GOLGA3: variants seen among roughly 807,000 people sequenced by gnomAD.
GOLGA3 encodes the protein golgin subfamily A member 3.
A neutral mutation model predicts 169.4 loss-of-function variants in GOLGA3; 75 were observed. The ratio of observed to expected loss-of-function variants is 0.44; its 90% CI spans 0.37 to 0.54. The LOEUF is 0.54. GOLGA3 is among the 20% of genes least tolerant of loss of function. GOLGA3 has a pLI of 0.00. For synonymous variants in GOLGA3, 824 were observed against 822.4 expected, an observed-to-expected ratio of 1.00 and a Z score of -0.03; for missense variants, 1,899 against 1,930.0, an observed-to-expected ratio of 0.98 and a Z score of 0.30.
At chr12:132,785,662 C>T (rs2045859655) in intron 15 of GOLGA3, among the ~76,000 whole-genome samples, 1 of 152,114 alleles carries the variant, frequency 6.6e-6, no homozygotes, top group African/African-American at 2.4e-5. Flanking sequence ...CTCTTCCTAC[C>T]CATAAATTCT....
At chr12:132,773,472 G>A (rs1055525582) in intron 23 of GOLGA3, among the ~76,000 whole-genome samples, 178 bp from the exon 24 acceptor site, 1 of 152,256 alleles carries the variant, frequency 6.6e-6, no homozygotes, top group South Asian at 2.1e-4. Flanking sequence ...ACACTGTGCA[G>A]AGGACACAGG....
At chr12:132,801,725 C>T (rs1055216987) in intron 8 of GOLGA3, 42 bp downstream of exon 8, 1 of 1,552,826 alleles carries the variant, frequency 6.4e-7, no homozygotes, top group Non-Finnish European at 8.9e-7. Flanking sequence ...TACATGAAGA[C>T]AAGAAGCGTG....
At chr12:132,792,443 C>G (rs150084739) in intron 11 of GOLGA3, among the ~76,000 whole-genome samples, 4,359 of 152,354 alleles carry the variant, frequency 0.029, 81 homozygotes, top group Non-Finnish European at 0.046. Flanking sequence ...TTGGGCTGCG[C>G]CCACAGGCTG....
At chr12:132,807,704 G>A (rs1003129608) in intron 5 of GOLGA3, among the ~76,000 whole-genome samples, 187 bp downstream of exon 5, 2 of 152,126 alleles carry the variant, frequency 1.3e-5, no homozygotes, top group Non-Finnish European at 2.9e-5. Context: ...GCGGAGAGCC[G>A]TGGGCCCGGG....
chr12:132,820,759 G>A (rs180806436), intron 2 of GOLGA3, among the ~76,000 whole-genome samples: 43 of 152,188 alleles, frequency 2.8e-4, no homozygotes, highest in Admixed American at 2.8e-3. Flanking sequence ...TCTACGGGAC[G>A]ACTTCTGAAT....
intron 6 of GOLGA3, among the ~76,000 whole-genome samples, chr12:132,805,834 T>C (rs569004652): frequency 6.6e-6 from 1 of 152,308 alleles, no homozygotes; most frequent in South Asian, 2.1e-4. Context: ...CGGGTGCACA[T>C]GTATGCGCAC....
intron 15 of GOLGA3, 80 bp downstream of exon 15, chr12:132,786,259 G>A (rs1390345055): frequency 1.0e-6 from 1 of 995,502 alleles, no homozygotes; most frequent in East Asian, 2.5e-5. Flanking sequence ...CTAGGCTTTA[G>A]GGGACAACTG....
Position 132,775,342 on chromosome 12 carries a change from G to C in GOLGA3, c.3979-37C>G, listed in dbSNP as rs778016799. The C allele has an allele frequency of 3.2e-6, 5 of 1,556,836 alleles. No individual in the cohort carries two copies. In the Middle Eastern group the frequency reaches 5.1e-4, roughly 159 times the overall value. On this transcript the variant is annotated intron_variant, in intron 21 of 23. Transcript: ENST00000450791. ...GAAGTCAGATTTTTAAAAGCTAACA[G>C]ATCTTAAACATCCTGCCAAGATCCG...
In GOLGA3 at chr12:132,816,677, C is replaced by T. The variant is rs748321413; in HGVS notation, c.269G>A (p.Gly90Asp). 1 of 1,614,170 alleles carries T rather than the reference C, an allele frequency of 6.2e-7. No individual in the cohort carries two copies. The highest frequency in any genetic ancestry group is 1.3e-5 in the African/African-American group (1 of 75,046). The part of the protein sequence containing the change: ...SSLDPTTSPV[G>D]PDASPGVAGF... ...AGCCACACCTGGAGAGGCATCAGGGCCCACTGGGCTTGTGGTGGGATCGAG... is the reference window on the plus strand; with the variant it reads ...AGCCACACCTGGAGAGGCATCAGGGTCCACTGGGCTTGTGGTGGGATCGAG... The change falls in exon 3 of 24, where the codon GGC (glycine) becomes GAC (aspartate). Residue 90 changes from glycine to aspartate, a missense_variant. Physicochemically the swap from Gly to Asp is moderately conservative, Grantham distance 94. Coordinates refer to ENST00000450791, the MANE Select transcript of GOLGA3 (RefSeq NM_001389683.1).
intron 2 of GOLGA3, among the ~76,000 whole-genome samples, chr12:132,819,406 A>G (rs112908542): frequency 1.3e-5 from 2 of 152,148 alleles, no homozygotes; most frequent in East Asian, 1.9e-4. Context: ...GCGGGCGCCT[A>G]TAGTCCCAGC....
intron 11 of GOLGA3, among the ~76,000 whole-genome samples, chr12:132,792,573 G>A (rs1948584790): frequency 6.6e-6 from 1 of 151,994 alleles, no homozygotes; most frequent in South Asian, 2.1e-4. Flanking sequence ...CACCGCACAG[G>A]ACCTGCACTC....
rs767166566 is a variant in GOLGA3, at chr12:132,808,125, C to T, written c.944G>A (p.Ser315Asn). The T allele has an allele frequency of 6.2e-6, 10 of 1,607,394 alleles. No homozygotes were observed. Among genetic ancestry groups the T allele is most frequent in the Non-Finnish European group, 7.7e-6 (9 of 1,175,792 alleles). Reference protein sequence around the residue: ...DSVSEVDGNDSDSSSYSSAST... With the variant: ...DSVSEVDGNDNDSSSYSSAST... Reference sequence around the variant, plus strand: ...GGCGCTGCTGTACGATGAGCTGTCGCTGTCATTTCCATCCACCTCAGACAC... The same window carrying T: ...GGCGCTGCTGTACGATGAGCTGTCGTTGTCATTTCCATCCACCTCAGACAC... The change falls in exon 5 of 24, where the codon AGC becomes AAC. Residue 315 changes from serine (S) to asparagine (N), a missense_variant. Physicochemically the swap from Ser to Asn is conservative, Grantham distance 46. Coordinates refer to ENST00000450791, the MANE Select transcript of GOLGA3 (RefSeq NM_001389683.1).
chr12:132,771,176 A>C lies in GOLGA3; in HGVS notation c.*1929T>G, dbSNP rs1292973728. On this transcript the variant is annotated 3_prime_UTR_variant, in exon 24 of 24. Transcript: ENST00000450791. ...TGCTAGAGAATATTTTTTAAATACC[A>C]AACATCTTTGTGGTTAATGCTACCT... 1.3e-5 allele frequency: 2 copies of C among 152,632 alleles called. No individual in the cohort carries two copies. The highest frequency in any genetic ancestry group is 2.9e-5 in the Non-Finnish European group (2 of 68,038). 9.5% of individuals were successfully genotyped at this position (152,632 alleles called of 1,614,324 possible).
intron 17 of GOLGA3, among the ~76,000 whole-genome samples, 198 bp from the exon 18 acceptor site, chr12:132,781,112 C>T (rs1426367477): frequency 3.3e-5 from 5 of 152,206 alleles, no homozygotes; most frequent in Non-Finnish European, 7.3e-5. Flanking sequence ...CACTCAAGAA[C>T]GTGGCACGCC....
At chr12:132,811,091 T>C (rs1340894993) in intron 4 of GOLGA3, among the ~76,000 whole-genome samples, 1 of 152,192 alleles carries the variant, frequency 6.6e-6, no homozygotes, top group South Asian at 2.1e-4. Flanking sequence ...TTACTTATCA[T>C]TGGAGATGAC....
At chr12:132,809,327 C>T (rs1432189211) in intron 4 of GOLGA3, among the ~76,000 whole-genome samples, 7 of 152,174 alleles carry the variant, frequency 4.6e-5, no homozygotes, top group Admixed American at 3.3e-4. Context: ...GTTAGGCCTC[C>T]GGATAACTGC....
rs780707739 is a variant in GOLGA3, at chr12:132,808,377, T to C, written c.692A>G (p.His231Arg). The C allele has an allele frequency of 1.2e-6, 2 of 1,614,124 alleles. No homozygotes were observed. The highest frequency in any genetic ancestry group is 2.2e-5 in the East Asian group (1 of 44,860). The change falls in exon 5 of 24, where the codon CAT becomes CGT. Residue 231 changes from histidine to arginine, a missense_variant. Coordinates refer to ENST00000450791, the MANE Select transcript of GOLGA3 (RefSeq NM_001389683.1). Reference protein sequence around the residue: ...PKVGSLGLPAHPREKKTSKSS... With the variant: ...PKVGSLGLPARPREKKTSKSS... ...TTTGGAAGTTTTTTTCTCCCTAGGA[T>C]GTGCCGGAAGCCCCAGGCTGCCCAC...
rs756039570 is a variant in GOLGA3 at position 132,807,888 on chromosome 12, C to G, written c.1178+3G>C. The G allele has an allele frequency of 1.9e-6, 3 of 1,594,224 alleles. No individual in the cohort carries two copies. The highest frequency in any genetic ancestry group is 1.8e-4 in the Middle Eastern group (1 of 5,436). ...CCCCGCCCACCTCTGCTGTCCCCAC[C>G]ACCTGCTGCAGATGCTGTCTCTCCG... On this transcript the variant is annotated splice_donor_region_variant and intron_variant, in intron 5 of 23. Transcript: ENST00000450791.
At chr12:132,784,006 A>G in intron 16 of GOLGA3, 158 bp downstream of exon 16, 1 of 1,506,188 alleles carries the variant, frequency 6.6e-7, no homozygotes, top group Non-Finnish European at 8.8e-7. Context: ...CTGCCCCACC[A>G]CAGAGCCAGA....
Sources: gnomAD v4.1 joint callset for allele counts (sites outside exome capture counted in the v4.1 genomes callset) on GRCh38, gnomAD v4.1.1 for gene constraint, MANE v1.5 for transcripts, NCBI Gene and HGNC (gene_info 2026-07-23, HGNC 2026-07-21) for gene names.